The following RPH3A variants were observed in gnomAD, a reference collection of about 807,000 sequenced individuals.
RPH3A encodes the protein rabphilin 3A, also known as rabphilin-3A.
In RPH3A, 48 loss-of-function variants were observed where a neutral mutation model predicts 102.2. The ratio of observed to expected loss-of-function variants is 0.47; its 90% CI spans 0.37 to 0.60. RPH3A has a LOEUF of 0.60. Among genes scored for constraint, RPH3A ranks in the 20% least tolerant of loss-of-function variants. The probability of loss-of-function intolerance (pLI) is 0.00; values close to 1 mark genes in which losing one functional copy is unlikely to be tolerated. For synonymous variants in RPH3A, 310 were observed against 324.3 expected, an observed-to-expected ratio of 0.96 and a Z score of 0.47; for missense variants, 781 against 910.1, an observed-to-expected ratio of 0.86 and a Z score of 1.83.
At chr12:112,651,827 T>C (rs1328594455) in intron 1 of RPH3A, 1 of 152,230 alleles carries the variant, frequency 6.6e-6, no homozygotes, top group African/African-American at 2.4e-5. Flanking sequence ...ACATACCTCA[T>C]GTAAGTGGAA....
At chr12:112,610,787 A>G (rs1351008191) in intron 1 of RPH3A, among the ~76,000 whole-genome samples, 2 of 151,824 alleles carry the variant, frequency 1.3e-5, no homozygotes, top group Admixed American at 1.3e-4. Context: ...GCCTGCCGCC[A>G]CGCCCAGCTA....
At chr12:112,592,233 C>T (rs892784457) in intron 1 of RPH3A, among the ~76,000 whole-genome samples, 2 of 151,834 alleles carry the variant, frequency 1.3e-5, no homozygotes, top group Admixed American at 1.3e-4. Context: ...AAAAATTAGC[C>T]AGTCTCATAA....
intron 1 of RPH3A, among the ~76,000 whole-genome samples, chr12:112,678,128 C>T (rs973589823): frequency 6.6e-6 from 1 of 151,630 alleles, no homozygotes; most frequent in Non-Finnish European, 1.5e-5. Flanking sequence ...ACCTGGAAGG[C>T]GGAGGTTGCA....
At chr12:112,872,433 A>T (rs1306731647) in intron 10 of RPH3A, among the ~76,000 whole-genome samples, 1 of 152,162 alleles carries the variant, frequency 6.6e-6, no homozygotes, top group African/African-American at 2.4e-5. Context: ...GAAGTTCTTT[A>T]TATATTCTGG....
intron 1 of RPH3A, among the ~76,000 whole-genome samples, chr12:112,657,572 T>A (rs1436730641): frequency 6.6e-6 from 1 of 152,218 alleles, no homozygotes; most frequent in African/African-American, 2.4e-5. Flanking sequence ...TATGATCTTA[T>A]GATGGTTATG....
intron 15 of RPH3A, 40 bp downstream of exon 15, chr12:112,881,886 G>A (rs755657802): frequency 1.3e-6 from 2 of 1,539,244 alleles, no homozygotes; most frequent in Non-Finnish European, 1.8e-6. Flanking sequence ...CCGGGTGCAT[G>A]GGCCCTGGCA....
chr12:112,803,202 C>G lies in RPH3A; in HGVS notation c.-19+10939C>G, dbSNP rs116202671. On this transcript the variant is annotated intron_variant, in intron 2 of 21. Transcript: ENST00000389385. ...GGGTGGTCTCTGATGCCCTGAGGGG[C>G]TCCTCACCTGCTTCCAGTGTTACAT... Among the ~76,000 whole-genome samples the G allele has an allele frequency of 2.9e-3, 448 of 152,288 alleles. 2 individuals carry two copies. The highest frequency in any genetic ancestry group is 0.01 in the African/African-American group (431 of 41,562).
At chr12:112,835,208 G>C (rs186032887) in intron 3 of RPH3A, among the ~76,000 whole-genome samples, 1 of 152,036 alleles carries the variant, frequency 6.6e-6, no homozygotes, top group Admixed American at 6.6e-5. Context: ...AACTCTGTTC[G>C]TTTCCTTTTT....
In RPH3A at chr12:112,806,403, G is replaced by C. The variant is rs567644301; in HGVS notation, c.-19+14140G>C. 3.3e-5 allele frequency among the ~76,000 whole-genome samples: 5 copies of C among 152,324 alleles called. No homozygotes were observed. In the East Asian group the frequency reaches 5.8e-4, roughly 18 times the overall value. ...TAATCCCAGCACTTTGGGAGGCTGA[G>C]GTGGGCGGATCACTTGAGGCCAGGA... On this transcript the variant is annotated intron_variant, in intron 2 of 21. Transcript: ENST00000389385.
intron 1 of RPH3A, among the ~76,000 whole-genome samples, chr12:112,735,433 C>T (rs1411363719): frequency 1.3e-5 from 2 of 152,180 alleles, no homozygotes; most frequent in Non-Finnish European, 2.9e-5. Flanking sequence ...TCTTACCTCC[C>T]TCATTAAACC....
intron 1 of RPH3A, among the ~76,000 whole-genome samples, chr12:112,630,444 G>A (rs1216046095): frequency 6.6e-6 from 1 of 152,310 alleles, no homozygotes; most frequent in East Asian, 1.9e-4. Context: ...GCCTGATGCC[G>A]TGGGGGAACT....
At chr12:112,640,325 C>CAAAAAAAAAAAAAAAAAAAAAA (rs1158230534) in intron 1 of RPH3A, among the ~76,000 whole-genome samples, 1 of 14,078 alleles carries the variant, frequency 7.1e-5, no homozygotes, top group Admixed American at 1.1e-3. Context: ...AACTCCATCT[C>CAAAAAAAAAAAAAAAAAAAAAA]AAAAAAAAAA....
upstream of RPH3A, chr12:112,791,740 C>T (rs1007383779): frequency 6.6e-6 from 1 of 152,054 alleles, no homozygotes; most frequent in African/African-American, 2.4e-5. Context: ...GCCCCGCTTC[C>T]CTTGCTCACA....
chr12:112,762,174 C>G (rs2136067245), intron 1 of RPH3A, among the ~76,000 whole-genome samples: 1 of 152,174 alleles, frequency 6.6e-6, no homozygotes, highest in South Asian at 2.1e-4. Flanking sequence ...CTTGTATTTC[C>G]CCAACTAGAT....
chr12:112,809,431 G>A (rs1593026539), intron 2 of RPH3A, among the ~76,000 whole-genome samples: 1 of 152,134 alleles, frequency 6.6e-6, no homozygotes, highest in Admixed American at 6.5e-5. Context: ...GTCCCTGGGA[G>A]AGGAGAGGTT....
intron 15 of RPH3A, among the ~76,000 whole-genome samples, chr12:112,882,108 T>G (rs2042924646): frequency 6.6e-6 from 1 of 152,214 alleles, no homozygotes; most frequent in African/African-American, 2.4e-5. Context: ...GCAGATGCCC[T>G]GATGATGCCC....
intron 2 of RPH3A, among the ~76,000 whole-genome samples, chr12:112,814,983 T>C (rs1265718196): frequency 1.3e-5 from 2 of 152,158 alleles, no homozygotes; most frequent in Non-Finnish European, 2.9e-5. Context: ...TCTCTAGGCT[T>C]GGAGGGGCTG....
intron 3 of RPH3A, among the ~76,000 whole-genome samples, chr12:112,832,286 T>C (rs2136160641): frequency 6.6e-6 from 1 of 152,346 alleles, no homozygotes; most frequent in African/African-American, 2.4e-5. Context: ...TTTTAGAATT[T>C]AGTAGTTACA....
intron 16 of RPH3A, among the ~76,000 whole-genome samples, chr12:112,886,827 A>G (rs1402221585): frequency 2.0e-5 from 3 of 152,202 alleles, no homozygotes; most frequent in African/African-American, 7.2e-5. Context: ...AGTTGTTTTG[A>G]AATAGGAAAA....
Sources: allele counts gnomAD v4.1 joint callset (sites outside exome capture counted in the v4.1 genomes callset), GRCh38; gene constraint gnomAD v4.1.1; transcripts MANE v1.5; gene names NCBI Gene and HGNC (gene_info 2026-07-23, HGNC 2026-07-21).